Variants in NRG3 observed in about 807,000 individuals in gnomAD.
The protein encoded by NRG3 is pro-neuregulin-3, membrane-bound isoform.
Under a neutral mutation model 66.9 loss-of-function variants are expected in NRG3, and 31 were observed. That is an observed-to-expected ratio of 0.46 (90% CI 0.35 to 0.63). The LOEUF (loss-of-function observed/expected upper bound fraction) is 0.63, where lower values mean the gene tolerates loss of function less well. Ranked by LOEUF, NRG3 falls within the 20% of genes least tolerant of loss-of-function variation. The pLI, the probability that NRG3 is intolerant of heterozygous loss-of-function variation, is 0.00. For missense variants in NRG3, 910 were observed against 878.9 expected (o/e 1.04, Z -0.45); for synonymous variants, 393 against 359.4 (o/e 1.09, Z -1.06).
At chr10:82,710,089 T>A (rs2056563817) in intron 2 of NRG3, among the ~76,000 whole-genome samples, 1 of 152,248 alleles carries the variant, frequency 6.6e-6, no homozygotes, top group Non-Finnish European at 1.5e-5. Context: ...CCATTTTGGC[T>A]GCTTCCAATT....
chr10:82,359,670 T>C (rs1162328754), intron 2 of NRG3, among the ~76,000 whole-genome samples: 1 of 152,226 alleles, frequency 6.6e-6, no homozygotes, highest in Non-Finnish European at 1.5e-5. Flanking sequence ...TAATTTGTTT[T>C]TCTTTGCAAT....
At chr10:82,019,964 T>C (rs1255793147) in intron 1 of NRG3, among the ~76,000 whole-genome samples, 3 of 152,136 alleles carry the variant, frequency 2.0e-5, no homozygotes, top group Non-Finnish European at 4.4e-5. Context: ...CTTAGTAATT[T>C]CTTGCCATCT....
chr10:82,269,436 A>G lies in NRG3; in HGVS notation c.824-89303A>G, dbSNP rs970800628. On this transcript the variant is annotated intron_variant, in intron 1 of 8. Transcript: ENST00000372141. ...CTTCTAAGATTTCAGCTAATGCACT[A>G]TGTGGTATACAGCTTATCTGTATCT... Among the ~76,000 whole-genome samples the G allele has an allele frequency of 2.0e-5, 3 of 152,108 alleles. 1 individual carries two copies. The highest frequency in any genetic ancestry group is 1.9e-4 in the East Asian group (1 of 5,168).
At chr10:82,359,296 A>T (rs1239881609) in intron 2 of NRG3, among the ~76,000 whole-genome samples, 1 of 152,230 alleles carries the variant, frequency 6.6e-6, no homozygotes, top group Non-Finnish European at 1.5e-5. Flanking sequence ...ATTGTGAACC[A>T]ACCCCAGAGA....
chr10:82,548,804 G>A (rs1365392831), intron 2 of NRG3, among the ~76,000 whole-genome samples: 1 of 152,054 alleles, frequency 6.6e-6, no homozygotes, highest in Admixed American at 6.5e-5. Context: ...GAACCCAAAA[G>A]CACAGGCAGA....
At chr10:82,713,640 A>T (rs977739297) in intron 2 of NRG3, among the ~76,000 whole-genome samples, 1 of 152,234 alleles carries the variant, frequency 6.6e-6, no homozygotes, top group Non-Finnish European at 1.5e-5. Context: ...ATACAAATAC[A>T]GAGGATTTAT....
At chr10:82,472,875 A>C (rs1841404428) in intron 2 of NRG3, among the ~76,000 whole-genome samples, 1 of 152,210 alleles carries the variant, frequency 6.6e-6, no homozygotes, top group Non-Finnish European at 1.5e-5. Flanking sequence ...TTCTTGAATA[A>C]GCCAAGCCAA....
intron 2 of NRG3, among the ~76,000 whole-genome samples, chr10:82,435,281 AGTG>A (rs2090064510): frequency 6.6e-6 from 1 of 152,052 alleles, no homozygotes; most frequent in Non-Finnish European, 1.5e-5. Context: ...CTGTGGGGTC[AGTG>A]GTGGTATCCC....
intron 1 of NRG3, among the ~76,000 whole-genome samples, chr10:82,319,827 T>C (rs747711800): frequency 1.3e-5 from 2 of 152,154 alleles, no homozygotes; most frequent in Admixed American, 6.5e-5. Context: ...GTCAATCCGG[T>C]TGGGGACAGA....
chr10:82,764,377 T>A (rs896195177), intron 3 of NRG3, among the ~76,000 whole-genome samples: 452 of 10,156 alleles, frequency 0.045, 7 homozygotes, highest in East Asian at 0.13. Context: ...TATGCAAATT[T>A]TTTTTTTTTT....
At position 82,208,039 on chromosome 10, in the gene NRG3, C is replaced by A. The variant is rs2075212303; in HGVS notation, c.824-150700C>A. ...ACTTGGAAAACTCTATCTGCACTAT[C>A]TCATTTGACCTAAATTATCAGGTAG... On this transcript the variant is annotated intron_variant, in intron 1 of 8. Transcript: ENST00000372141. 1.3e-5 allele frequency among the ~76,000 whole-genome samples: 2 copies of A among 152,154 alleles called. 1 individual carries two copies. The highest frequency in any genetic ancestry group is 4.1e-4 in the South Asian group (2 of 4,836).
At chr10:81,876,391 T>TTCACTGGCC (rs1316053870) in intron 1 of NRG3, among the ~76,000 whole-genome samples, 11 of 152,030 alleles carry the variant, frequency 7.2e-5, no homozygotes, top group African/African-American at 2.7e-4. Context: ...ATTGTCAGGC[T>TTCACTGGCC]CCACTGGCCC....
chr10:82,404,076 G>A (rs974172542), intron 2 of NRG3, among the ~76,000 whole-genome samples: 12 of 152,134 alleles, frequency 7.9e-5, no homozygotes, highest in African/African-American at 2.9e-4. Flanking sequence ...TGCCATTCAT[G>A]CTCAAGACTG....
chr10:82,920,298 A>G (rs1846300705), intron 4 of NRG3, among the ~76,000 whole-genome samples: 1 of 152,148 alleles, frequency 6.6e-6, no homozygotes, highest in East Asian at 1.9e-4. Flanking sequence ...GTTTTAAGAA[A>G]CTGATGGTAG....
chr10:81,990,263 G>A (rs1338359397), intron 1 of NRG3, among the ~76,000 whole-genome samples: 2 of 152,122 alleles, frequency 1.3e-5, no homozygotes, highest in Non-Finnish European at 2.9e-5. Flanking sequence ...CTAGTAAGCA[G>A]TGATGAACAT....
At chr10:82,461,319 T>TCACCAC (rs1564948324) in intron 2 of NRG3, among the ~76,000 whole-genome samples, 1 of 150,772 alleles carries the variant, frequency 6.6e-6, no homozygotes, top group South Asian at 2.1e-4. Context: ...ATCAACACCA[T>TCACCAC]CACCACCACC....
intron 1 of NRG3, among the ~76,000 whole-genome samples, chr10:81,885,976 G>C (rs1032307439): frequency 3.9e-5 from 6 of 152,068 alleles, no homozygotes; most frequent in Admixed American, 3.3e-4. Flanking sequence ...TTTTCAGTAT[G>C]ATACTCTCTG....
chr10:82,965,903 A>G (rs1851167484), intron 6 of NRG3, among the ~76,000 whole-genome samples: 1 of 152,158 alleles, frequency 6.6e-6, no homozygotes, highest in Non-Finnish European at 1.5e-5. Flanking sequence ...AATTAAGGGA[A>G]GACTGAATTC....
intron 1 of NRG3, among the ~76,000 whole-genome samples, chr10:82,159,935 A>C (rs1198814201): frequency 1.3e-5 from 2 of 151,932 alleles, no homozygotes; most frequent in Non-Finnish European, 2.9e-5. Context: ...TGGAGCAAAA[A>C]ATTCAAATTT....
Sources: allele counts gnomAD v4.1 joint callset (sites outside exome capture counted in the v4.1 genomes callset), GRCh38; gene constraint gnomAD v4.1.1; transcripts MANE v1.5; gene names NCBI Gene and HGNC (gene_info 2026-07-23, HGNC 2026-07-21).